Variants in COL5A1 observed in about 807,000 individuals in gnomAD.
The protein encoded by COL5A1 is collagen type V alpha 1 chain, also known as collagen alpha-1(V) chain.
In COL5A1, 16 loss-of-function variants were observed where a neutral mutation model predicts 263.7. That is an observed-to-expected ratio of 0.06 (90% confidence interval 0.04 to 0.09). The LOEUF (loss-of-function observed/expected upper bound fraction) is 0.09. Ranked by LOEUF, COL5A1 falls within the 10% of genes least tolerant of loss-of-function variation. The pLI is 1.00. For missense variants in COL5A1, 2,036 were observed against 2,540.5 expected, an observed-to-expected ratio of 0.80 and a Z score of 4.27; for synonymous variants, 1,012 against 1,004.5, an observed-to-expected ratio of 1.01 and a Z score of -0.14.
chr9:134,733,212 C>T (rs1834967124), intron 9 of COL5A1, among the ~76,000 whole-genome samples: 1 of 152,192 alleles, frequency 6.6e-6, no homozygotes, highest in African/African-American at 2.4e-5. Context: ...GTCACAGTGA[C>T]CCGCCACCCT....
Position 134,802,881 on chromosome 9 carries a change from C to G in COL5A1, c.3007-7C>G. On this transcript the variant is annotated splice_polypyrimidine_tract_variant and splice_region_variant and intron_variant, in intron 38 of 65. Transcript: ENST00000371817. ...ACGTCTGTGGCTGACACTGATTTTCCCCACAGGGTCCCACGGGAGAAACGG... is the reference window on the plus strand; with the variant it reads ...ACGTCTGTGGCTGACACTGATTTTCGCCACAGGGTCCCACGGGAGAAACGG... 1 of 1,606,702 alleles carries G rather than the reference C, an allele frequency of 6.2e-7. No individual in the cohort carries two copies. The highest frequency in any genetic ancestry group is 8.5e-7 in the Non-Finnish European group (1 of 1,174,958).
intron 48 of COL5A1, 56 bp from the exon 49 acceptor site, chr9:134,813,927 C>T (rs1838637322): frequency 6.5e-7 from 1 of 1,534,846 alleles, no homozygotes; most frequent in Admixed American, 2.0e-5. Context: ...GAAACCGTAG[C>T]ACTGCGTTCA....
At chr9:134,783,789 G>A (rs1429133472) in intron 29 of COL5A1, among the ~76,000 whole-genome samples, 1 of 152,212 alleles carries the variant, frequency 6.6e-6, no homozygotes, top group Non-Finnish European at 1.5e-5. Context: ...GCGCAATGTT[G>A]TCCCAGTTAA....
At position 134,822,345 on chromosome 9, in the gene COL5A1, G is replaced by A. The variant is rs74960017; in HGVS notation, c.4608+195G>A. On this transcript the variant is annotated intron_variant, in intron 59 of 65. Coordinates refer to ENST00000371817, the MANE Select transcript of COL5A1 (RefSeq NM_000093.5). ...CAGAAGAAAGGAAGTGGCGTTGCCC[G>A]GCCATGGTTTTTGGTGGGGAAGACA... Among the ~76,000 whole-genome samples the A allele has an allele frequency of 0.063, 9,631 of 152,250 alleles. 327 individuals are homozygous for A. The highest frequency in any genetic ancestry group is 0.086 in the South Asian group (413 of 4,828).
chr9:134,731,746 A>G, intron 8 of COL5A1, 83 bp downstream of exon 8: 1 of 1,470,084 alleles, frequency 6.8e-7, no homozygotes, highest in Non-Finnish European at 9.2e-7. Flanking sequence ...GAGCCTCCTC[A>G]GGGGTGGGCC....
intron 2 of COL5A1, chr9:134,691,872 C>T (rs76482208): frequency 0.19 from 28,885 of 152,160 alleles, 3,301 homozygotes; most frequent in Non-Finnish European, 0.23. Context: ...TAGAAGACAG[C>T]GCAGCATCTT....
intron 19 of COL5A1, among the ~76,000 whole-genome samples, chr9:134,762,930 G>A (rs554517911): frequency 2.0e-5 from 3 of 152,272 alleles, no homozygotes; most frequent in Non-Finnish European, 4.4e-5. Context: ...TATGTGCAGG[G>A]AGTGCACGTA....
intron 63 of COL5A1, among the ~76,000 whole-genome samples, chr9:134,826,814 GGGTGTGTGGCT>G (rs1218540277): frequency 7.9e-4 from 120 of 151,238 alleles, no homozygotes; most frequent in African/African-American, 2.6e-3. Context: ...GCAGGTGTGT[GGGTGTGTGGCT>G]GGTGTGTGGA....
chr9:134,699,502 G>A (rs1051752625), intron 2 of COL5A1, among the ~76,000 whole-genome samples: 2 of 135,378 alleles, frequency 1.5e-5, no homozygotes, highest in Non-Finnish European at 3.1e-5. Context: ...TTCCTTGCAT[G>A]CTGAGTGGTG....
chr9:134,823,505 G>C (rs771928730), intron 61 of COL5A1, 36 bp downstream of exon 61: 2 of 1,608,738 alleles, frequency 1.2e-6, no homozygotes, highest in South Asian at 2.2e-5. Context: ...GCGGGACGGG[G>C]GCTCTGGCTA....
At chr9:134,822,016 G>A (rs775348985) in intron 58 of COL5A1, 81 bp from the exon 59 acceptor site, 13 of 1,240,296 alleles carry the variant, frequency 1.0e-5, no homozygotes, top group Non-Finnish European at 1.3e-5. Context: ...GAGCCGAGGG[G>A]TGTGGCTGGG....
chr9:134,727,522 C>T (rs1834705953), intron 5 of COL5A1, 125 bp downstream of exon 5: 1 of 1,063,250 alleles, frequency 9.4e-7, no homozygotes, highest in Non-Finnish European at 1.4e-6. Context: ...TTTGGAGGGA[C>T]CTAGGAGGTA....
rs770897242 is a variant in COL5A1 at position 134,825,779 on chromosome 9, C to T, written c.4955-13C>T. 3.3e-5 allele frequency: 52 copies of T among 1,583,732 alleles called. No individual in the cohort carries two copies. Among genetic ancestry groups the T allele is most frequent in the Non-Finnish European group, 4.2e-5 (49 of 1,153,176 alleles). ...TGACTCTGCCTGCCTCCCTCCCCGT[C>T]TCTGAAATCCAGGTGAATACTGGGT... On this transcript the variant is annotated splice_polypyrimidine_tract_variant and intron_variant, in intron 62 of 65. Transcript: ENST00000371817.
At position 134,842,304 on chromosome 9, in the gene COL5A1, G is replaced by T. The variant is rs1210246281; in HGVS notation, c.*1G>T. On this transcript the variant is annotated 3_prime_UTR_variant, in exon 66 of 66. Coordinates refer to ENST00000371817, the MANE Select transcript of COL5A1 (RefSeq NM_000093.5). The surrounding 1 kb of genome is among the most constrained non-coding windows in gnomAD (Gnocchi z 5.8). ...GGGGCCGGCTTGCTTCATGGGCTAG[G>T]AGCCGCCGAGCCCGGGCTCCCGAGA... is the stretch of plus-strand genomic sequence containing the variant. 1.2e-6 allele frequency: 2 copies of T among 1,613,956 alleles called. No individual in the cohort carries two copies. Among genetic ancestry groups the T allele is most frequent in the Non-Finnish European group, 8.5e-7 (1 of 1,179,998 alleles).
At chr9:134,829,696 C>CAGGCTCCTCA (rs1839511580) in intron 63 of COL5A1, among the ~76,000 whole-genome samples, 3 of 151,542 alleles carry the variant, frequency 2.0e-5, no homozygotes, top group Admixed American at 2.0e-4. Flanking sequence ...GGGCTGGGGC[C>CAGGCTCCTCA]CGGCTCCTCA....
chr9:134,840,027 C>T (rs1839971250), intron 65 of COL5A1, among the ~76,000 whole-genome samples: 1 of 152,252 alleles, frequency 6.6e-6, no homozygotes, highest in African/African-American at 2.4e-5. Flanking sequence ...CCGGGGGTGC[C>T]CCATGGCGAG....
Position 134,798,299 on chromosome 9 carries a change from G to T in COL5A1, c.2899-109G>T, listed in dbSNP as rs945860455. 37 of 990,556 alleles carry T rather than the reference G, an allele frequency of 3.7e-5. 1 individual carries two copies. The highest frequency in any genetic ancestry group is 3.2e-4 in the East Asian group (13 of 40,264). The allele number at this position is 990,556 out of a possible 1,614,324, so 61.4% of individuals were successfully genotyped here. A position where few individuals can be genotyped will look rare whatever the true frequency, so the allele number is the denominator to read the frequency against. ...GGTGATTGCTTTTCTCAGAGGATGT[G>T]CAGGGGCAGGAGCCATGGAAATAAC... On this transcript the variant is annotated intron_variant, in intron 36 of 65. Coordinates refer to ENST00000371817, the MANE Select transcript of COL5A1 (RefSeq NM_000093.5).
chr9:134,800,925 G>A lies in COL5A1; in HGVS notation c.2953-1029G>A, dbSNP rs373904945. On this transcript the variant is annotated intron_variant, in intron 37 of 65. Transcript: ENST00000371817. ...AGGGCCAGCCACCTTCTCCTCCAGC[G>A]TCTAGAGTTTGCCTCGAGGCCTCCG... Among the ~76,000 whole-genome samples, 135 of 152,264 alleles carry A rather than the reference G, an allele frequency of 8.9e-4. 2 individuals carry two copies. In the Middle Eastern group the frequency reaches 0.017, roughly 19 times the overall value.
chr9:134,814,140 G>A (rs1215955404), intron 49 of COL5A1, 104 bp downstream of exon 49: 17 of 1,177,212 alleles, frequency 1.4e-5, no homozygotes, highest in South Asian at 2.8e-5. Flanking sequence ...TTCCATCCAC[G>A]AAATGGGAGT....
Sources: gnomAD v4.1 joint callset for allele counts (sites outside exome capture counted in the v4.1 genomes callset) on GRCh38, gnomAD v4.1.1 for gene constraint, Gnocchi (gnomAD v3.1) non-coding constraint, MANE v1.5 for transcripts, NCBI Gene and HGNC (gene_info 2026-07-23, HGNC 2026-07-21) for gene names.